TJP2: variants seen among roughly 807,000 people sequenced by gnomAD.
TJP2 encodes tight junction protein 2, also known as Friedreich ataxia region gene X104 (tight junction protein ZO-2).
In TJP2, 91 loss-of-function variants were observed where a neutral mutation model predicts 133.1. That is an observed-to-expected ratio of 0.68 (90% CI 0.58 to 0.81). The LOEUF is 0.81. TJP2 is among the 40% of genes least tolerant of loss of function. TJP2 has a pLI of 0.00. For missense variants in TJP2, 1,541 were observed against 1,565.6 expected (o/e 0.98, Z 0.26); for synonymous variants, 592 against 583.4 (o/e 1.01, Z -0.21).
intron 21 of TJP2, 103 bp downstream of exon 21, chr9:69,251,467 G>A (rs1831327509): frequency 8.0e-7 from 1 of 1,244,894 alleles, no homozygotes; most frequent in South Asian, 1.3e-5. Flanking sequence ...ATGTGGCAGG[G>A]ATGCACTGCA....
chr9:69,236,172 T>C lies in TJP2; in HGVS notation c.1925T>C (p.Leu642Pro). ...GTAGACACACTGTATGACGGCAAGC[T>C]GGGCAACTGGCTGGCTGTGAGGATT... ...RVVDTLYDGK[L>P]GNWLAVRIGN... Residue 642 changes from leucine to proline, a missense_variant, in exon 13 of 23, where the codon CTG (leucine) becomes CCG (proline). Transcript: ENST00000377245. 6.2e-7 allele frequency: 1 copy of C among 1,614,152 alleles called. No homozygotes were observed. Among genetic ancestry groups the C allele is most frequent in the Non-Finnish European group, 8.5e-7 (1 of 1,180,032 alleles).
At chr9:69,236,688 C>T (rs1437292738) in intron 13 of TJP2, among the ~76,000 whole-genome samples, 3 of 152,098 alleles carry the variant, frequency 2.0e-5, no homozygotes, top group Non-Finnish European at 4.4e-5. Context: ...GGTGTGTGTA[C>T]TGTGTACCTG....
chr9:69,193,676 CTT>C (rs11312165), intron 1 of TJP2, among the ~76,000 whole-genome samples: 45,796 of 138,608 alleles, frequency 0.33, 7,630 homozygotes, highest in Non-Finnish European at 0.38. Context: ...AACACCTGAA[CTT>C]TTTTTTTTTT....
At chr9:69,223,023 C>G (rs1384567886) in intron 5 of TJP2, among the ~76,000 whole-genome samples, 2 of 126,960 alleles carry the variant, frequency 1.6e-5, no homozygotes, top group East Asian at 5.5e-4. Flanking sequence ...TAGCAGAGAT[C>G]ATGTCACTGC....
At chr9:69,212,370 C>T (rs989632070) in intron 1 of TJP2, among the ~76,000 whole-genome samples, 178 bp from the exon 2 acceptor site, 1 of 152,160 alleles carries the variant, frequency 6.6e-6, no homozygotes, top group Non-Finnish European at 1.5e-5. Context: ...TTTCTAGTTT[C>T]ATTTCATTGA....
chr9:69,178,268 A>G (rs1490565600), intron 1 of TJP2, among the ~76,000 whole-genome samples: 3 of 152,184 alleles, frequency 2.0e-5, no homozygotes, highest in East Asian at 1.9e-4. Context: ...TACATATTCT[A>G]TTTTTCAATT....
At chr9:69,171,958 G>A (rs1474372926), upstream of TJP2, among the ~76,000 whole-genome samples, 1 of 152,054 alleles carries the variant, frequency 6.6e-6, no homozygotes, top group Admixed American at 6.5e-5. Flanking sequence ...ACCACGCCCA[G>A]CTAATTTTTG....
At chr9:69,184,528 C>T (rs1474039000) in intron 1 of TJP2, among the ~76,000 whole-genome samples, 4 of 152,172 alleles carry the variant, frequency 2.6e-5, no homozygotes, top group African/African-American at 9.7e-5. Context: ...TTCATCCTTC[C>T]AAATCTCAAA....
At chr9:69,175,287 T>A (rs569320297) in intron 1 of TJP2, among the ~76,000 whole-genome samples, 2 of 152,140 alleles carry the variant, frequency 1.3e-5, no homozygotes, top group African/African-American at 2.4e-5. Context: ...AGTCATCCCA[T>A]GATAGAAACT....
At chr9:69,172,862 C>G (rs989973662), upstream of TJP2, among the ~76,000 whole-genome samples, 1 of 152,104 alleles carries the variant, frequency 6.6e-6, no homozygotes, top group East Asian at 1.9e-4. Context: ...CATGAGCCAC[C>G]GTGCCTGGCC....
chr9:69,252,993 A>C lies in TJP2; in HGVS notation c.3407+93A>C. On this transcript the variant is annotated intron_variant, in intron 22 of 22. Coordinates refer to ENST00000377245, the MANE Select transcript of TJP2 (RefSeq NM_004817.4). ...ATTTCCTTTACCCAAATTTCAGAGT[A>C]ACAGGAGGATTTTTTCCCCACAGAT... 5.0e-6 allele frequency: 6 copies of C among 1,197,718 alleles called. No homozygotes were observed. The South Asian group carries it at 7.8e-5, about 16-fold the overall frequency. 74.2% of individuals were successfully genotyped at this position (1,197,718 alleles called of 1,614,324 possible). A position where few individuals can be genotyped will look rare whatever the true frequency, so the allele number is the denominator to read the frequency against.
chr9:69,214,578 C>T (rs928835151), intron 2 of TJP2, among the ~76,000 whole-genome samples: 1 of 152,124 alleles, frequency 6.6e-6, no homozygotes, highest in Non-Finnish European at 1.5e-5. Flanking sequence ...TCTTTAAAAT[C>T]CAGTTACGGG....
chr9:69,163,638 C>CA lies in TJP2; in HGVS notation c.-10+11883dup, dbSNP rs34941016. ...GCAAAAGAGTGAGAGACCCTGTCTC[C>CA]AAAAAAAAAAAAAAAATTGAGATGG... is the stretch of plus-strand genomic sequence containing the variant. On this transcript the variant is annotated intron_variant, in intron 2 of 5. Transcript: ENST00000423935. Among the ~76,000 whole-genome samples the CA allele has an allele frequency of 6.2e-3, 835 of 135,632 alleles. 3 individuals are homozygous for CA. Among genetic ancestry groups the CA allele is most frequent in the South Asian group, 0.017 (69 of 4,168 alleles). The allele number at this position is 135,632 out of a possible 152,430, so 89.0% of individuals were successfully genotyped here. A position where few individuals can be genotyped will look rare whatever the true frequency, so the allele number is the denominator to read the frequency against.
chr9:69,237,287 C>A (rs543514758), intron 14 of TJP2, 151 bp downstream of exon 14: 5 of 995,658 alleles, frequency 5.0e-6, no homozygotes, highest in Non-Finnish European at 7.8e-6. Flanking sequence ...TAACAAGGAG[C>A]ATGATTTATA....
rs955195942 is a variant in TJP2, at chr9:69,143,557, G to A, written c.-130-8094G>A. 6.6e-5 allele frequency among the ~76,000 whole-genome samples: 10 copies of A among 152,330 alleles called. 1 individual carries two copies. The highest frequency in any genetic ancestry group is 2.4e-4 in the African/African-American group (10 of 41,582). On this transcript the variant is annotated intron_variant, in intron 1 of 5. Coordinates refer to the TJP2 transcript ENST00000423935. ...ATAAAAGAATTCCTGGGACTAACTG[G>A]TACTAATTGTTTGCAGAACAACCAG... is the stretch of plus-strand genomic sequence containing the variant.
At chr9:69,178,254 G>C (rs1825240589) in intron 1 of TJP2, among the ~76,000 whole-genome samples, 1 of 152,174 alleles carries the variant, frequency 6.6e-6, no homozygotes. Flanking sequence ...GTGGTGCAGA[G>C]AGATACATAT....
At chr9:69,199,803 C>T (rs1022702244) in intron 1 of TJP2, among the ~76,000 whole-genome samples, 2 of 152,102 alleles carry the variant, frequency 1.3e-5, no homozygotes, top group Non-Finnish European at 2.9e-5. Flanking sequence ...TGACATTGTT[C>T]ATGGAGACGA....
chr9:69,230,812 C>G (rs1254477437), intron 11 of TJP2, among the ~76,000 whole-genome samples: 2 of 152,194 alleles, frequency 1.3e-5, no homozygotes, highest in East Asian at 3.8e-4. Flanking sequence ...AGTTCCCTGG[C>G]ACAGAATAGG....
In TJP2 at chr9:69,140,242, A is replaced by G. The variant is rs1270989344; in HGVS notation, c.-130-11409A>G. Among the ~76,000 whole-genome samples, 5 of 152,232 alleles carry G rather than the reference A, an allele frequency of 3.3e-5. No homozygotes were observed. In the East Asian group the frequency reaches 9.6e-4, roughly 29 times the overall value. On this transcript the variant is annotated intron_variant, in intron 1 of 5. Coordinates refer to the TJP2 transcript ENST00000423935. ...AAATTAAAATACACTTACACGGTGT[A>G]TATTATGTGCTGGATGTTACATGTG...
Sources: gnomAD v4.1 joint callset for allele counts (sites outside exome capture counted in the v4.1 genomes callset) on GRCh38, gnomAD v4.1.1 for gene constraint, MANE v1.5 for transcripts, NCBI Gene and HGNC (gene_info 2026-07-23, HGNC 2026-07-21) for gene names.